ADAMTS16: variants seen among roughly 807,000 people sequenced by gnomAD.
The protein encoded by ADAMTS16 is ADAM metallopeptidase with thrombospondin type 1 motif 16.
ADAMTS16 carries 94 observed loss-of-function variants against 145.8 expected under a neutral mutation model. The observed-to-expected ratio is 0.64, with a 90% CI of 0.55 to 0.77. The LOEUF (loss-of-function observed/expected upper bound fraction) is 0.77. ADAMTS16 is among the 30% of genes least tolerant of loss of function. ADAMTS16 has a pLI of 0.00. For synonymous variants in ADAMTS16, 659 were observed against 604.3 expected (o/e 1.09, Z -1.33); for missense variants, 1,585 against 1,591.5 (o/e 1.00, Z 0.07).
At chr5:5,316,930 C>T (rs892510767) in intron 21 of ADAMTS16, among the ~76,000 whole-genome samples, 1 of 152,216 alleles carries the variant, frequency 6.6e-6, no homozygotes, top group Non-Finnish European at 1.5e-5. Context: ...TGTGGCCATG[C>T]AACCATCATT....
Position 5,311,315 on chromosome 5 carries a change from A to C in ADAMTS16, c.3411+4587A>C, listed in dbSNP as rs575109400. 2.9e-3 allele frequency among the ~76,000 whole-genome samples: 299 copies of C among 102,072 alleles called. 3 individuals are homozygous for C. Among genetic ancestry groups the C allele is most frequent in the African/African-American group, 0.011 (278 of 26,466 alleles). 67.0% of individuals were successfully genotyped at this position (102,072 alleles called of 152,430 possible). On this transcript the variant is annotated intron_variant, in intron 21 of 22. Coordinates refer to ENST00000274181, the MANE Select transcript of ADAMTS16 (RefSeq NM_139056.4). ...TTGACATAGGCAAAAAAAAAAAAAA[A>C]AACAAAAAAACAAAAAAACATTCTT...
chr5:5,221,308 A>G (rs539862186), intron 10 of ADAMTS16, among the ~76,000 whole-genome samples: 11 of 152,012 alleles, frequency 7.2e-5, no homozygotes, highest in Non-Finnish European at 1.6e-4. Flanking sequence ...CTGACACCAT[A>G]TAGTAATGAA....
intron 18 of ADAMTS16, among the ~76,000 whole-genome samples, chr5:5,285,002 T>C (rs1739053965): frequency 6.6e-6 from 1 of 152,236 alleles, no homozygotes; most frequent in South Asian, 2.1e-4. Context: ...ATAGTGCTTT[T>C]GTTTTGGTTC....
intron 14 of ADAMTS16, among the ~76,000 whole-genome samples, chr5:5,238,560 A>C (rs1288965165): frequency 6.6e-6 from 1 of 151,946 alleles, no homozygotes; most frequent in African/African-American, 2.4e-5. Flanking sequence ...ATTTCAAGCC[A>C]AGAATTGTAG....
intron 3 of ADAMTS16, among the ~76,000 whole-genome samples, chr5:5,162,168 A>T (rs1734757012): frequency 1.3e-5 from 2 of 152,242 alleles, no homozygotes; most frequent in Admixed American, 1.3e-4. Context: ...TACCCATTAT[A>T]AGTCGGGAAA....
In ADAMTS16 at chr5:5,318,194, C is replaced by T. The variant is rs72647764; in HGVS notation, c.3472C>T (p.Arg1158Trp). The T allele has an allele frequency of 6.3e-4, 977 of 1,561,730 alleles. 1 individual carries two copies. The highest frequency in any genetic ancestry group is 7.5e-4 in the Non-Finnish European group (863 of 1,149,388). The part of the protein sequence containing the change: ...TRSVQCLAGG[R>W]PASGCLLHQK... The stretch of plus-strand genomic sequence containing the variant: ...GTCCGTGCAGTGCCTGGCTGGGGGC[C>T]GGCCGGCCTCAGGCTGCCTCCTGCA... Residue 1158 changes from arginine (R) to tryptophan (W), a missense_variant, in exon 22 of 23, where the codon CGG becomes TGG. Physicochemically the swap from Arg to Trp is moderately radical, Grantham distance 101 (BLOSUM62 -3). Coordinates refer to ENST00000274181, the MANE Select transcript of ADAMTS16 (RefSeq NM_139056.4).
chr5:5,164,023 C>T lies in ADAMTS16; in HGVS notation c.501+17568C>T, dbSNP rs1734802293. Among the ~76,000 whole-genome samples, 8 of 152,292 alleles carry T rather than the reference C, an allele frequency of 5.3e-5. No individual in the cohort carries two copies. The South Asian group carries it at 1.7e-3, about 32-fold the overall frequency. The stretch of plus-strand genomic sequence containing the variant: ...TGTCCTTTATCACACCCCACCCACA[C>T]CGGCTGAGGCAGAATATTTGGGGAA... On this transcript the variant is annotated intron_variant, in intron 3 of 22. Coordinates refer to ENST00000274181, the MANE Select transcript of ADAMTS16 (RefSeq NM_139056.4).
chr5:5,254,757 A>C (rs80188527), intron 17 of ADAMTS16, among the ~76,000 whole-genome samples: 4 of 152,208 alleles, frequency 2.6e-5, no homozygotes, highest in African/African-American at 7.2e-5. Context: ...CTGGTGATTT[A>C]TTTCTTTCTA....
chr5:5,316,979 CCTT>C (rs747487873), intron 21 of ADAMTS16, among the ~76,000 whole-genome samples: 18 of 152,212 alleles, frequency 1.2e-4, no homozygotes, highest in South Asian at 2.1e-4. Flanking sequence ...AGACACTTCT[CCTT>C]CTATCCATAC....
intron 22 of ADAMTS16, among the ~76,000 whole-genome samples, chr5:5,318,555 A>G (rs76403531): frequency 0.026 from 3,967 of 152,236 alleles, 89 homozygotes; most frequent in Non-Finnish European, 0.042. Context: ...ATCTTAACTA[A>G]AGCAGCTTTT....
rs746490045 is a variant in ADAMTS16, at chr5:5,186,238, C to T, written c.950C>T (p.Thr317Met). ...GAAAATATCACCACCTACGTGCTCA[C>T]GATACTCAACATGGTAGGATCATCC... is the stretch of plus-strand genomic sequence containing the variant. ...GHENITTYVL[T>M]ILNMVSALFK... is the part of the protein sequence containing the mutation. Residue 317 changes from threonine (T) to methionine (M), a missense_variant, in exon 5 of 23, where the codon ACG (threonine) becomes ATG (methionine). Thr to Met is a moderately conservative substitution (Grantham distance 81). This residue lies in a region of ADAMTS16 where 298 missense variants were observed against 367.6 expected (regional missense o/e 0.81). Transcript: ENST00000274181. 4.3e-6 allele frequency: 7 copies of T among 1,613,262 alleles called. No individual in the cohort carries two copies. Among genetic ancestry groups the T allele is most frequent in the Admixed American group, 1.7e-5 (1 of 59,954 alleles).
chr5:5,239,558 C>T (rs1737218164), intron 15 of ADAMTS16, 123 bp from the exon 16 acceptor site: 16 of 1,393,716 alleles, frequency 1.1e-5, no homozygotes, highest in Middle Eastern at 2.6e-4. Flanking sequence ...CACCAGAACA[C>T]GTCTTCACCC....
chr5:5,318,404 A>T, intron 22 of ADAMTS16, 123 bp downstream of exon 22: 1 of 1,028,402 alleles, frequency 9.7e-7, no homozygotes, highest in Non-Finnish European at 1.3e-6. Context: ...CTCTCTTTGC[A>T]TCTTCTCCAG....
intron 3 of ADAMTS16, among the ~76,000 whole-genome samples, chr5:5,152,923 A>G (rs182850037): frequency 6.6e-6 from 1 of 152,312 alleles, no homozygotes; most frequent in East Asian, 1.9e-4. Context: ...TCTTCAATAG[A>G]CACTATTATT....
At chr5:5,189,143 C>T (rs1735588780) in intron 6 of ADAMTS16, among the ~76,000 whole-genome samples, 1 of 152,188 alleles carries the variant, frequency 6.6e-6, no homozygotes, top group Non-Finnish European at 1.5e-5. Context: ...GACATCCTAA[C>T]AGTGCAAGCT....
At chr5:5,187,282 A>G (rs531246030) in intron 5 of ADAMTS16, among the ~76,000 whole-genome samples, 69 of 152,270 alleles carry the variant, frequency 4.5e-4, no homozygotes, top group African/African-American at 1.6e-3. Flanking sequence ...CACCTCTGAT[A>G]TCACCTCTAA....
At chr5:5,277,561 C>T (rs971726486) in intron 18 of ADAMTS16, among the ~76,000 whole-genome samples, 3 of 152,212 alleles carry the variant, frequency 2.0e-5, no homozygotes, top group Non-Finnish European at 4.4e-5. Flanking sequence ...TGCAAGAATT[C>T]CTCTCTCAGC....
At chr5:5,183,900 G>C (rs779275502) in intron 4 of ADAMTS16, among the ~76,000 whole-genome samples, 51 of 152,342 alleles carry the variant, frequency 3.3e-4, no homozygotes, top group Non-Finnish European at 7.4e-4. Flanking sequence ...TATTTGAAAA[G>C]TGGAAAAAAG....
chr5:5,289,744 A>G (rs554847706), intron 18 of ADAMTS16, among the ~76,000 whole-genome samples: 1 of 152,212 alleles, frequency 6.6e-6, no homozygotes, highest in Non-Finnish European at 1.5e-5. Context: ...ATTCATGTAC[A>G]TGGGGTTTCC....
Sources: allele counts gnomAD v4.1 joint callset (sites outside exome capture counted in the v4.1 genomes callset), GRCh38; gene constraint gnomAD v4.1.1; regional missense constraint gnomAD v4.1.1; transcripts MANE v1.5; gene names NCBI Gene and HGNC (gene_info 2026-07-23, HGNC 2026-07-21).